Variants in NDUFA10 observed in about 807,000 individuals in gnomAD.
NDUFA10 encodes NADH dehydrogenase [ubiquinone] 1 alpha subcomplex subunit 10, mitochondrial.
NDUFA10 carries 40 observed loss-of-function variants against 47.8 expected under a neutral mutation model. The observed-to-expected ratio is 0.84, with a 90% confidence interval of 0.65 to 1.09. The LOEUF (loss-of-function observed/expected upper bound fraction) is 1.09, where lower values mean the gene tolerates loss of function less well. Among genes scored for constraint, NDUFA10 ranks in the 50% least tolerant of loss-of-function variants. The probability of loss-of-function intolerance (pLI) is 0.00; values close to 1 mark genes in which losing one functional copy is unlikely to be tolerated. For missense variants in NDUFA10, 413 were observed against 451.1 expected, an observed-to-expected ratio of 0.92 and a Z score of 0.76; for synonymous variants, 183 against 172.2, an observed-to-expected ratio of 1.06 and a Z score of -0.49.
chr2:239,975,269 C>T (rs1392030208), intron 9 of NDUFA10, among the ~76,000 whole-genome samples: 2 of 152,230 alleles, frequency 1.3e-5, no homozygotes, highest in Admixed American at 6.5e-5. Context: ...TCCCCAGAAG[C>T]AGAAGTTGCT....
At chr2:239,972,568 C>T (rs1695345932) in intron 9 of NDUFA10, among the ~76,000 whole-genome samples, 1 of 152,084 alleles carries the variant, frequency 6.6e-6, no homozygotes, top group African/African-American at 2.4e-5. Flanking sequence ...CCCTTAATTT[C>T]CATTACTGTA....
chr2:240,023,001 T>C (rs561691308), intron 1 of NDUFA10, among the ~76,000 whole-genome samples: 1 of 152,322 alleles, frequency 6.6e-6, no homozygotes, highest in East Asian at 1.9e-4. Flanking sequence ...AAATCCTAAC[T>C]GTTCAGACTC....
At chr2:239,902,655 G>C (rs1559264207) in intron 4 of NDUFA10, among the ~76,000 whole-genome samples, 1 of 152,196 alleles carries the variant, frequency 6.6e-6, no homozygotes, top group Non-Finnish European at 1.5e-5. Flanking sequence ...CTGGGCTTGT[G>C]CTCTAAAATA....
rs1694100196 is a variant in NDUFA10 at position 239,928,351 on chromosome 2, C to A, written c.295-33037G>T. Among the ~76,000 whole-genome samples, 1 of 151,990 alleles carries A rather than the reference C, an allele frequency of 6.6e-6. No homozygotes were observed. The highest frequency in any genetic ancestry group is 2.4e-5 in the African/African-American group (1 of 41,392). On this transcript the variant is annotated intron_variant, in intron 4 of 5. Transcript: ENST00000419408. This position sits in a 1 kb window ranked among gnomAD's most constrained non-coding sequence, Gnocchi z 4.3. ...TGAATCATGACTAAAGAAAAGAAGGCAAAAGACAAGATGAAATACAGAGCT... is the reference window on the plus strand; with the variant it reads ...TGAATCATGACTAAAGAAAAGAAGGAAAAAGACAAGATGAAATACAGAGCT...
At chr2:240,017,521 A>G (rs1697409715) in intron 4 of NDUFA10, among the ~76,000 whole-genome samples, 1 of 152,136 alleles carries the variant, frequency 6.6e-6, no homozygotes, top group South Asian at 2.1e-4. Context: ...ACTTTATTAC[A>G]ATGAACCATC....
chr2:239,996,392 G>C (rs1013272171), intron 8 of NDUFA10, among the ~76,000 whole-genome samples: 8 of 152,156 alleles, frequency 5.3e-5, no homozygotes, highest in African/African-American at 1.9e-4. Context: ...AAGATACCTA[G>C]AAAATCCCTA....
In NDUFA10 at chr2:239,959,805, G is replaced by A. The variant is rs1395237474; in HGVS notation, c.*1313C>T. The A allele has an allele frequency of 3.5e-6, 3 of 852,438 alleles. No individual in the cohort carries two copies. The highest frequency in any genetic ancestry group is 4.2e-6 in the Non-Finnish European group (3 of 709,122). 52.8% of individuals were successfully genotyped at this position (852,438 alleles called of 1,614,324 possible). On this transcript the variant is annotated 3_prime_UTR_variant, in exon 10 of 10. Coordinates refer to ENST00000252711, the MANE Select transcript of NDUFA10 (RefSeq NM_004544.4). ...GGAAAACAAGGACAGATGGAAGGAA[G>A]AAAGGAAGGGAGGGAAGGAGGAGGA...
intron 4 of NDUFA10, among the ~76,000 whole-genome samples, chr2:239,900,801 A>G (rs7589506): frequency 0.84 from 128,403 of 152,246 alleles, 54,191 homozygotes; most frequent in East Asian, 0.99. Context: ...CTGTGACGGT[A>G]AAGCTAGAGA....
rs758105258 is a variant in NDUFA10, at chr2:240,018,502, C to T, written c.547+51G>A. On this transcript the variant is annotated intron_variant, in intron 4 of 9. Transcript: ENST00000252711. ...AGTGCAAGGTGAGTCTATCACAGCC[C>T]TTGCAAAGTCGCACCACACACCCAG... 9.9e-6 allele frequency: 16 copies of T among 1,614,150 alleles called. No individual in the cohort carries two copies. In the South Asian group the frequency reaches 1.5e-4, roughly 16 times the overall value.
intron 8 of NDUFA10, among the ~76,000 whole-genome samples, chr2:239,998,136 T>A (rs1301535287): frequency 6.6e-6 from 1 of 152,158 alleles, no homozygotes; most frequent in African/African-American, 2.4e-5. Flanking sequence ...CGCAGGTGAT[T>A]TGATTCTATA....
chr2:240,014,399 C>T (rs1697251841), intron 5 of NDUFA10: 1 of 366,502 alleles, frequency 2.7e-6, no homozygotes, highest in Admixed American at 3.9e-5. Flanking sequence ...ACACAAAAAC[C>T]TCATCAGAGA....
Position 239,960,013 on chromosome 2 carries a change from T to C in NDUFA10, c.*1105A>G, listed in dbSNP as rs1694785239. Reference sequence around the variant, plus strand: ...ACAGGCGGCTGTGGAGTGCCTGAACTATGGCCAGTGCAACCAAGGAACCCA... The same window carrying C: ...ACAGGCGGCTGTGGAGTGCCTGAACCATGGCCAGTGCAACCAAGGAACCCA... On this transcript the variant is annotated 3_prime_UTR_variant, in exon 10 of 10. Coordinates refer to ENST00000252711, the MANE Select transcript of NDUFA10 (RefSeq NM_004544.4). 5 of 984,814 alleles carry C rather than the reference T, an allele frequency of 5.1e-6. No homozygotes were observed. Among genetic ancestry groups the C allele is most frequent in the South Asian group, 4.7e-5 (1 of 21,280 alleles). 61.0% of individuals were successfully genotyped at this position (984,814 alleles called of 1,614,324 possible).
chr2:239,895,157 T>A, intron 5 of NDUFA10: 1 of 397,990 alleles, frequency 2.5e-6, no homozygotes, highest in South Asian at 1.9e-5. Flanking sequence ...CCACGTCACA[T>A]CCTCCCTCTC....
intron 9 of NDUFA10, among the ~76,000 whole-genome samples, chr2:239,971,833 A>G (rs1380756267): frequency 6.6e-6 from 1 of 152,186 alleles, no homozygotes; most frequent in Non-Finnish European, 1.5e-5. Flanking sequence ...TTCCTCAATC[A>G]CATACTACTT....
At chr2:239,950,096 G>A (rs1170837039) in intron 4 of NDUFA10, among the ~76,000 whole-genome samples, 1 of 152,172 alleles carries the variant, frequency 6.6e-6, no homozygotes, top group Admixed American at 6.6e-5. Context: ...AATCTAGGGA[G>A]GGGGCACACC....
chr2:239,986,758 C>T (rs1696018722), intron 9 of NDUFA10, among the ~76,000 whole-genome samples: 7 of 152,152 alleles, frequency 4.6e-5, no homozygotes, highest in Admixed American at 4.6e-4. Context: ...GCTAAAACTA[C>T]TGAGTGAAAG....
At chr2:239,897,577 A>G (rs895381334) in intron 4 of NDUFA10, among the ~76,000 whole-genome samples, 4 of 152,232 alleles carry the variant, frequency 2.6e-5, no homozygotes, top group Non-Finnish European at 4.4e-5. Flanking sequence ...TTATATTTTG[A>G]AAAGCATCCA....
At chr2:240,012,873 T>G (rs1449051576) in intron 5 of NDUFA10, 1 of 152,254 alleles carries the variant, frequency 6.6e-6, no homozygotes, top group Admixed American at 6.5e-5. Context: ...TTTGTTCATC[T>G]TTGCAGCCTC....
chr2:239,967,975 A>ACACACACACAC (rs1559330888), intron 9 of NDUFA10, among the ~76,000 whole-genome samples: 1 of 42,086 alleles, frequency 2.4e-5, no homozygotes, highest in East Asian at 9.6e-4. Flanking sequence ...CAAGGAAAAA[A>ACACACACACAC]ATATACACAC....
Sources: allele counts gnomAD v4.1 joint callset (sites outside exome capture counted in the v4.1 genomes callset), GRCh38; gene constraint gnomAD v4.1.1; non-coding constraint Gnocchi (gnomAD v3.1); transcripts MANE v1.5; gene names NCBI Gene and HGNC (gene_info 2026-07-23, HGNC 2026-07-21).